Variants in TENM3 observed in about 807,000 individuals in gnomAD.
TENM3 encodes teneurin-3.
TENM3 carries 63 observed loss-of-function variants against 255.1 expected under a neutral mutation model. The observed-to-expected ratio is 0.25, with a 90% CI of 0.20 to 0.30. The LOEUF is 0.30. TENM3 is among the 10% of genes least tolerant of loss of function. TENM3 has a pLI of 1.00. For missense variants in TENM3, 2,929 were observed against 3,461.1 expected (o/e 0.85, Z 3.86); for synonymous variants, 1,306 against 1,322.3 (o/e 0.99, Z 0.27).
the TENM3 span, among the ~76,000 whole-genome samples, chr4:181,831,499 C>CAAAAAA: frequency 6.1e-3 from 873 of 144,210 alleles, 11 homozygotes; most frequent in East Asian, 0.043. Context: ...GCCTATGTGC[C>CAAAAAA]AAAAAAAAAA....
At chr4:181,603,532 G>A in the TENM3 span, among the ~76,000 whole-genome samples, 2 of 152,100 alleles carry the variant, frequency 1.3e-5, no homozygotes, top group Admixed American at 1.3e-4. Context: ...AGTCCAAGGA[G>A]AAAAGCAAAT....
the TENM3 span, among the ~76,000 whole-genome samples, chr4:181,945,439 ATTG>A: frequency 6.6e-6 from 1 of 152,052 alleles, no homozygotes; most frequent in African/African-American, 2.4e-5. Context: ...GGTTGGAAAG[ATTG>A]TTCTTTCCTC....
chr4:182,712,146 G>A (rs1174382088), intron 12 of TENM3, among the ~76,000 whole-genome samples: 1 of 151,812 alleles, frequency 6.6e-6, no homozygotes, highest in Non-Finnish European at 1.5e-5. Context: ...TATAAATACT[G>A]TACAGTCTAT....
At chr4:182,448,671 C>T (rs1001700651) in intron 3 of TENM3, among the ~76,000 whole-genome samples, 5 of 151,950 alleles carry the variant, frequency 3.3e-5, no homozygotes, top group Non-Finnish European at 5.9e-5. Context: ...CGCGAGCGTG[C>T]GTGTGTGGAG....
intron 1 of TENM3, among the ~76,000 whole-genome samples, chr4:182,158,770 G>A (rs901133003): frequency 6.6e-6 from 1 of 152,126 alleles, no homozygotes; most frequent in African/African-American, 2.4e-5. Flanking sequence ...GTTTGGAGCG[G>A]AACTGCAGTG....
At chr4:181,844,713 T>C in the TENM3 span, among the ~76,000 whole-genome samples, 12 of 152,128 alleles carry the variant, frequency 7.9e-5, no homozygotes, top group East Asian at 1.7e-3. Flanking sequence ...ATGTAAAGGA[T>C]ACAGATGATC....
At chr4:181,531,508 T>C in the TENM3 span, among the ~76,000 whole-genome samples, 1 of 152,174 alleles carries the variant, frequency 6.6e-6, no homozygotes, top group Non-Finnish European at 1.5e-5. Flanking sequence ...ACATTATATT[T>C]TTAAATTAGG....
the TENM3 span, among the ~76,000 whole-genome samples, chr4:181,907,811 G>A: frequency 6.6e-6 from 1 of 152,134 alleles, no homozygotes; most frequent in Non-Finnish European, 1.5e-5. Context: ...GCTTGAATGA[G>A]TAGAAAGGTA....
At chr4:182,297,293 T>A (rs1383540900) in intron 1 of TENM3, among the ~76,000 whole-genome samples, 1 of 152,152 alleles carries the variant, frequency 6.6e-6, no homozygotes, top group Non-Finnish European at 1.5e-5. Flanking sequence ...ACTTGCATAG[T>A]TGAAAAACAG....
the TENM3 span, among the ~76,000 whole-genome samples, chr4:181,590,455 A>G: frequency 3.6e-4 from 55 of 152,326 alleles, no homozygotes; most frequent in African/African-American, 1.2e-3. Flanking sequence ...GGTCTGTGCC[A>G]AGAGCCAGGC....
At chr4:181,720,024 A>T in the TENM3 span, among the ~76,000 whole-genome samples, 6 of 152,322 alleles carry the variant, frequency 3.9e-5, no homozygotes, top group East Asian at 1.2e-3. Context: ...TCAATACCTT[A>T]ATGTGCTGGA....
intron 3 of TENM3, among the ~76,000 whole-genome samples, chr4:182,510,769 T>C (rs1450687410): frequency 1.3e-5 from 2 of 152,216 alleles, no homozygotes; most frequent in Admixed American, 6.5e-5. Context: ...TTTTTTCTAA[T>C]GTTATAATCT....
chr4:182,066,520 T>G, the TENM3 span, among the ~76,000 whole-genome samples: 2 of 151,860 alleles, frequency 1.3e-5, no homozygotes, highest in Non-Finnish European at 2.9e-5. Flanking sequence ...GCTAAAAAAA[T>G]TCTTGATTCT....
At chr4:182,350,989 G>C (rs945811658) in intron 3 of TENM3, among the ~76,000 whole-genome samples, 1 of 152,066 alleles carries the variant, frequency 6.6e-6, no homozygotes, top group African/African-American at 2.4e-5. Flanking sequence ...GGCCACTGAC[G>C]TGTTGTTAAA....
the TENM3 span, among the ~76,000 whole-genome samples, chr4:181,755,350 T>C: frequency 6.6e-6 from 1 of 152,166 alleles, no homozygotes; most frequent in Non-Finnish European, 1.5e-5. Context: ...TCCTTTTTTG[T>C]ACTCACTTTT....
At chr4:182,051,378 C>CTTTTTT in the TENM3 span, among the ~76,000 whole-genome samples, 2 of 129,590 alleles carry the variant, frequency 1.5e-5, 1 homozygote, top group Non-Finnish European at 3.3e-5. Context: ...TTTTTCCTCT[C>CTTTTTT]TTTTTTTTTT....
At chr4:181,797,393 G>A in the TENM3 span, among the ~76,000 whole-genome samples, 3 of 152,130 alleles carry the variant, frequency 2.0e-5, no homozygotes, top group East Asian at 5.8e-4. Flanking sequence ...TTGTCTCCTT[G>A]CTCTCTGATC....
intron 1 of TENM3, among the ~76,000 whole-genome samples, chr4:182,272,990 A>G (rs1428938986): frequency 6.6e-6 from 1 of 152,216 alleles, no homozygotes; most frequent in African/African-American, 2.4e-5. Flanking sequence ...TTAAGTTTGT[A>G]AAAGACAGTT....
At chr4:181,890,892 C>T in the TENM3 span, among the ~76,000 whole-genome samples, 1 of 152,104 alleles carries the variant, frequency 6.6e-6, no homozygotes, top group African/African-American at 2.4e-5. Flanking sequence ...CTATTGTTTT[C>T]CTGGATGCTA....
Sources: gnomAD v4.1 joint callset for allele counts (sites outside exome capture counted in the v4.1 genomes callset) on GRCh38, gnomAD v4.1.1 for gene constraint, MANE v1.5 for transcripts, NCBI Gene and HGNC (gene_info 2026-07-23, HGNC 2026-07-21) for gene names.